The following SLC15A1 variants were observed in gnomAD, a reference collection of about 807,000 sequenced individuals.
SLC15A1 encodes the protein solute carrier family 15 member 1, also known as Caco-2 oligopeptide transporter.
SLC15A1 carries 83 observed loss-of-function variants against 92.9 expected under a neutral mutation model. The ratio of observed to expected loss-of-function variants is 0.89; its 90% CI spans 0.75 to 1.07. SLC15A1 has a LOEUF of 1.07. Ranked by LOEUF, SLC15A1 falls within the 50% of genes least tolerant of loss-of-function variation. The pLI, the probability that SLC15A1 is intolerant of heterozygous loss-of-function variation, is 0.00. For missense variants in SLC15A1, 857 were observed against 880.1 expected, an observed-to-expected ratio of 0.97 and a Z score of 0.33; for synonymous variants, 322 against 318.2, an observed-to-expected ratio of 1.01 and a Z score of -0.13.
At position 98,726,107 on chromosome 13, in the gene SLC15A1, AT is replaced by A. The variant is rs762775969; in HGVS notation, c.245+15del. On this transcript the variant is annotated intron_variant, in intron 4 of 22. Coordinates refer to ENST00000376503, the MANE Select transcript of SLC15A1 (RefSeq NM_005073.4). ...TTTTTCGCTTGTTTGTGAACAAGAA[AT>A]TTCCAGCCACTCACTTGAACTTTCC... 30 of 1,611,802 alleles carry A rather than the reference AT, an allele frequency of 1.9e-5. No homozygotes were observed. In the South Asian group the frequency reaches 3.3e-4, roughly 18 times the overall value.
At chr13:98,705,137 T>C (rs2088102009) in intron 16 of SLC15A1, among the ~76,000 whole-genome samples, 1 of 146,086 alleles carries the variant, frequency 6.8e-6, no homozygotes, top group Non-Finnish European at 1.5e-5. Context: ...AGGCAGAGGT[T>C]ACAGTGAGCC....
At chr13:98,693,924 TCA>T (rs2088002353) in intron 18 of SLC15A1, among the ~76,000 whole-genome samples, 1 of 152,216 alleles carries the variant, frequency 6.6e-6, no homozygotes, top group Non-Finnish European at 1.5e-5. Flanking sequence ...CAACCCTGTG[TCA>T]CAGTCTCACA....
chr13:98,734,834 G>T (rs549769806), intron 1 of SLC15A1, among the ~76,000 whole-genome samples: 3 of 152,230 alleles, frequency 2.0e-5, no homozygotes, highest in South Asian at 4.1e-4. Context: ...CTGAAATTGA[G>T]GCAATAATTA....
intron 1 of SLC15A1, among the ~76,000 whole-genome samples, chr13:98,732,887 G>A (rs543298291): frequency 8.5e-5 from 13 of 152,200 alleles, no homozygotes; most frequent in Non-Finnish European, 1.9e-4. Flanking sequence ...AGATGTCCAT[G>A]TCGTAATCTC....
intron 1 of SLC15A1, among the ~76,000 whole-genome samples, chr13:98,740,609 C>T (rs1488471089): frequency 6.6e-6 from 1 of 152,140 alleles, no homozygotes; most frequent in Admixed American, 6.5e-5. Context: ...AGACCCTTTA[C>T]AGCTGCCCTG....
chr13:98,695,020 C>CAAAAA lies in SLC15A1; in HGVS notation c.1467-6448_1467-6444dup, dbSNP rs1170231960. Among the ~76,000 whole-genome samples the CAAAAA allele has an allele frequency of 1.0e-3, 75 of 73,492 alleles. 1 individual carries two copies. The highest frequency in any genetic ancestry group is 1.5e-3 in the Non-Finnish European group (62 of 40,024). 48.2% of individuals were successfully genotyped at this position (73,492 alleles called of 152,430 possible). A position where few individuals can be genotyped will look rare whatever the true frequency, so the allele number is the denominator to read the frequency against. On this transcript the variant is annotated intron_variant, in intron 18 of 22. Transcript: ENST00000376503. Reference sequence around the variant, plus strand: ...GGGGTGACAGAGTGAGACTCCGTCTCAAAAAAAAAAAAAAAAAAAAAGAGA... The same window carrying CAAAAA: ...GGGGTGACAGAGTGAGACTCCGTCTCAAAAAAAAAAAAAAAAAAAAAAAAAAGAGA...
intron 18 of SLC15A1, among the ~76,000 whole-genome samples, chr13:98,694,964 C>T (rs556096280): frequency 7.5e-6 from 1 of 133,426 alleles, no homozygotes; most frequent in African/African-American, 2.8e-5. Flanking sequence ...GGAGGTGCAG[C>T]GAGCCAAGAT....
intron 21 of SLC15A1, among the ~76,000 whole-genome samples, chr13:98,686,739 G>A (rs536009616): frequency 8.5e-5 from 13 of 152,214 alleles, no homozygotes; most frequent in Non-Finnish European, 1.8e-4. Flanking sequence ...ATTAGACTGT[G>A]AGGTTATCAC....
chr13:98,711,022 C>A (rs951071079), intron 11 of SLC15A1, among the ~76,000 whole-genome samples: 1 of 151,904 alleles, frequency 6.6e-6, no homozygotes, highest in African/African-American at 2.4e-5. Flanking sequence ...GGCTCCTGTC[C>A]GCATGCAGCA....
intron 5 of SLC15A1, among the ~76,000 whole-genome samples, chr13:98,722,207 G>A (rs989473084): frequency 4.6e-5 from 7 of 152,180 alleles, no homozygotes; most frequent in African/African-American, 1.4e-4. Context: ...CAGTAAAAGA[G>A]AGGATAAATG....
intron 1 of SLC15A1, among the ~76,000 whole-genome samples, chr13:98,748,398 C>T (rs916244236): frequency 6.6e-6 from 1 of 152,190 alleles, no homozygotes; most frequent in Non-Finnish European, 1.5e-5. Flanking sequence ...TCAAGTGATC[C>T]TCTGGCCTCA....
intron 1 of SLC15A1, among the ~76,000 whole-genome samples, chr13:98,745,129 T>C (rs2088482561): frequency 6.6e-6 from 1 of 152,176 alleles, no homozygotes; most frequent in Admixed American, 6.6e-5. Context: ...AAATCGCCTG[T>C]GTCTCCTAGA....
Position 98,718,948 on chromosome 13 carries a change from G to A in SLC15A1, c.640+289C>T, listed in dbSNP as rs2088232711. On this transcript the variant is annotated intron_variant, in intron 8 of 22. Transcript: ENST00000376503. ...GATTACGGGCATGAGTGACCATGCT[G>A]GGCCTCTCTCACCTTCATCTTAATC... Among the ~76,000 whole-genome samples the A allele has an allele frequency of 2.0e-5, 3 of 152,264 alleles. No homozygotes were observed. The East Asian group carries it at 5.8e-4, about 29-fold the overall frequency.
intron 15 of SLC15A1, among the ~76,000 whole-genome samples, chr13:98,707,454 T>C (rs1345030317): frequency 6.6e-6 from 1 of 152,128 alleles, no homozygotes; most frequent in Non-Finnish European, 1.5e-5. Context: ...GTCAGATTCA[T>C]AGACTCAGAA....
In SLC15A1 at chr13:98,696,851, A is replaced by G. The variant is rs555046552; in HGVS notation, c.1466+5629T>C. On this transcript the variant is annotated intron_variant, in intron 18 of 22. Coordinates refer to ENST00000376503, the MANE Select transcript of SLC15A1 (RefSeq NM_005073.4). ...AGGGTTTCCTCCTTTAAAGGTGATT[A>G]GGATGGGTCTTAATCCAATGTGACA... is the stretch of plus-strand genomic sequence containing the variant. Among the ~76,000 whole-genome samples, 3 of 152,274 alleles carry G rather than the reference A, an allele frequency of 2.0e-5. No homozygotes were observed. In the South Asian group the frequency reaches 6.2e-4, roughly 32 times the overall value.
chr13:98,697,787 G>A (rs17701332), intron 18 of SLC15A1, among the ~76,000 whole-genome samples: 3,060 of 152,156 alleles, frequency 0.02, 43 homozygotes, highest in Middle Eastern at 0.051. Context: ...ATACGCTGCC[G>A]CAAAAGTAGA....
chr13:98,728,643 G>A (rs1222294581), intron 1 of SLC15A1, among the ~76,000 whole-genome samples: 3 of 152,090 alleles, frequency 2.0e-5, no homozygotes, highest in Admixed American at 6.6e-5. Context: ...CTGGTGTTTG[G>A]TAGCACAACA....
chr13:98,726,164 A>T lies in SLC15A1; in HGVS notation c.204T>A (p.Ile68=). 6 of 1,614,134 alleles carry T rather than the reference A, an allele frequency of 3.7e-6. No homozygotes were observed. The highest frequency in any genetic ancestry group is 5.1e-6 in the Non-Finnish European group (6 of 1,180,020). ...TFVALCYLTP[I]LGALIADSWL... ...ACGAGTCGGCGATAAGAGCTCCGAG[A>T]ATTGGCGTCAGGTAGCACAGAGCCA... The change falls in exon 4 of 23, where the codon ATT becomes ATA. Residue 68 remains isoleucine (I), a synonymous_variant. Coordinates refer to ENST00000376503, the MANE Select transcript of SLC15A1 (RefSeq NM_005073.4).
At chr13:98,724,458 T>C (rs1270761578) in intron 4 of SLC15A1, among the ~76,000 whole-genome samples, 2 of 152,116 alleles carry the variant, frequency 1.3e-5, no homozygotes, top group Non-Finnish European at 2.9e-5. Flanking sequence ...GAGCCAGGAT[T>C]GCACTACTGC....
Sources: allele counts gnomAD v4.1 joint callset (sites outside exome capture counted in the v4.1 genomes callset), GRCh38; gene constraint gnomAD v4.1.1; transcripts MANE v1.5; gene names NCBI Gene and HGNC (gene_info 2026-07-23, HGNC 2026-07-21).